Variants in RBFOX1 observed in about 807,000 individuals in gnomAD.
RBFOX1 encodes RNA binding fox-1 homolog 1.
In RBFOX1, 8 loss-of-function variants were observed where a neutral mutation model predicts 57.7. That is an observed-to-expected ratio of 0.14 (90% CI 0.08 to 0.25). RBFOX1 has a LOEUF of 0.25. RBFOX1 is among the 10% of genes least tolerant of loss of function. RBFOX1 has a pLI of 1.00. For synonymous variants in RBFOX1, 326 were observed against 222.4 expected (o/e 1.47, Z -4.15); for missense variants, 611 against 548.5 (o/e 1.11, Z -1.14).
chr16:5,645,393 C>T (rs1157991826), intron 3 of RBFOX1, among the ~76,000 whole-genome samples: 1 of 151,918 alleles, frequency 6.6e-6, no homozygotes, highest in African/African-American at 2.4e-5. Context: ...TTGAGGTTGC[C>T]AGGGACCGAG....
intron 4 of RBFOX1, among the ~76,000 whole-genome samples, chr16:7,268,307 C>T (rs559538050): frequency 4.5e-4 from 69 of 152,260 alleles, no homozygotes; most frequent in African/African-American, 1.6e-3. Flanking sequence ...AGGGAACGGA[C>T]AGTAGGGGGC....
intron 3 of RBFOX1, among the ~76,000 whole-genome samples, chr16:6,776,621 C>G (rs928389008): frequency 6.6e-6 from 1 of 152,106 alleles, no homozygotes; most frequent in South Asian, 2.1e-4. Flanking sequence ...GGAGAGTTTT[C>G]TTTATCCCTT....
chr16:7,080,857 C>T (rs147198814), intron 4 of RBFOX1, among the ~76,000 whole-genome samples: 1 of 152,184 alleles, frequency 6.6e-6, no homozygotes, highest in East Asian at 1.9e-4. Flanking sequence ...AATCCATCCT[C>T]AGGACCAAGG....
chr16:5,984,158 C>A (rs1321867696), intron 4 of RBFOX1, among the ~76,000 whole-genome samples: 1 of 42,808 alleles, frequency 2.3e-5, no homozygotes, highest in African/African-American at 1.1e-4. Flanking sequence ...CCCTCCCCCT[C>A]CTCCTCCTCC....
At chr16:7,484,494 A>T (rs905920131) in intron 4 of RBFOX1, among the ~76,000 whole-genome samples, 3 of 151,968 alleles carry the variant, frequency 2.0e-5, no homozygotes, top group Non-Finnish European at 4.4e-5. Context: ...ACAGAGTCTC[A>T]CTCTGTCACC....
intron 4 of RBFOX1, among the ~76,000 whole-genome samples, chr16:7,441,242 C>T (rs183524711): frequency 2.0e-5 from 3 of 152,256 alleles, no homozygotes; most frequent in African/African-American, 7.2e-5. Flanking sequence ...CTCTGCAAGG[C>T]TAGGAATTTA....
At chr16:6,886,277 G>C (rs1387363880) in intron 3 of RBFOX1, among the ~76,000 whole-genome samples, 3 of 151,946 alleles carry the variant, frequency 2.0e-5, no homozygotes, top group East Asian at 3.9e-4. Context: ...GGCCAGGATA[G>C]TCTCGATCTC....
intron 1 of RBFOX1, among the ~76,000 whole-genome samples, chr16:5,403,415 G>T (rs575929808): frequency 6.6e-6 from 1 of 151,204 alleles, no homozygotes; most frequent in South Asian, 2.1e-4. Context: ...TATATGTAAT[G>T]CACTGCTTGT....
chr16:7,210,327 G>A (rs943661357), intron 4 of RBFOX1, among the ~76,000 whole-genome samples: 15 of 152,114 alleles, frequency 9.9e-5, no homozygotes, highest in African/African-American at 3.6e-4. Flanking sequence ...CAACTCTTGG[G>A]CAGGAGCTGA....
chr16:7,268,080 T>C (rs1387471223), intron 4 of RBFOX1, among the ~76,000 whole-genome samples: 1 of 152,186 alleles, frequency 6.6e-6, no homozygotes, highest in Non-Finnish European at 1.5e-5. Context: ...GCTACAAAGC[T>C]AGCAGGTTAG....
intron 3 of RBFOX1, among the ~76,000 whole-genome samples, chr16:5,719,400 C>T (rs1044168869): frequency 1.3e-5 from 2 of 150,544 alleles, no homozygotes; most frequent in Non-Finnish European, 3.0e-5. Flanking sequence ...TTAGTAGACA[C>T]GGGGTTTCAC....
intron 2 of RBFOX1, among the ~76,000 whole-genome samples, chr16:6,640,512 G>T (rs1309249528): frequency 6.6e-6 from 1 of 152,076 alleles, no homozygotes; most frequent in African/African-American, 2.4e-5. Flanking sequence ...GGAGGCTGAG[G>T]CAGGAGAATA....
intron 3 of RBFOX1, among the ~76,000 whole-genome samples, chr16:5,720,082 T>C (rs1165562944): frequency 2.6e-5 from 4 of 152,146 alleles, no homozygotes; most frequent in Non-Finnish European, 5.9e-5. Flanking sequence ...CAACACTTGG[T>C]ATGATCAGTT....
intron 2 of RBFOX1, among the ~76,000 whole-genome samples, chr16:6,522,144 G>C (rs970354355): frequency 2.7e-5 from 4 of 146,096 alleles, no homozygotes; most frequent in Admixed American, 2.1e-4. Context: ...ATGGCACTCT[G>C]GGGACCCACA....
At chr16:6,559,198 C>T (rs1255855607) in intron 2 of RBFOX1, among the ~76,000 whole-genome samples, 1 of 151,828 alleles carries the variant, frequency 6.6e-6, no homozygotes, top group East Asian at 1.9e-4. Flanking sequence ...AACACACACT[C>T]ACATAGTCAC....
At chr16:5,278,576 T>C (rs925269693) in intron 1 of RBFOX1, among the ~76,000 whole-genome samples, 5 of 152,234 alleles carry the variant, frequency 3.3e-5, no homozygotes, top group Admixed American at 3.3e-4. Context: ...CTGTGTTGAT[T>C]GTTTTCTTTG....
At chr16:5,565,319 C>A (rs181049977) in intron 2 of RBFOX1, among the ~76,000 whole-genome samples, 7 of 151,312 alleles carry the variant, frequency 4.6e-5, no homozygotes, top group Admixed American at 2.6e-4. Context: ...GTGCACATAC[C>A]ACTACATTAG....
intron 4 of RBFOX1, among the ~76,000 whole-genome samples, chr16:7,370,524 C>G (rs1408240847): frequency 2.6e-5 from 4 of 152,174 alleles, no homozygotes; most frequent in Non-Finnish European, 2.9e-5. Flanking sequence ...TTCCCCCACG[C>G]TCCCTCCCCA....
At chr16:6,299,145 AAG>A (rs1415047360) in intron 1 of RBFOX1, among the ~76,000 whole-genome samples, 1 of 152,218 alleles carries the variant, frequency 6.6e-6, no homozygotes, top group African/African-American at 2.4e-5. Flanking sequence ...ATTAGAATGA[AAG>A]GGGCAGGCTG....
Sources: gnomAD v4.1 joint callset for allele counts (sites outside exome capture counted in the v4.1 genomes callset) on GRCh38, gnomAD v4.1.1 for gene constraint, MANE v1.5 for transcripts, NCBI Gene and HGNC (gene_info 2026-07-23, HGNC 2026-07-21) for gene names.